The following LAMA1 variants were observed in gnomAD, a reference collection of about 807,000 sequenced individuals.
LAMA1 encodes laminin subunit alpha-1.
In LAMA1, 219 loss-of-function variants were observed where a neutral mutation model predicts 348.7. That is an observed-to-expected ratio of 0.63 (90% confidence interval 0.56 to 0.70). The LOEUF is 0.70. LAMA1 is among the 30% of genes least tolerant of loss of function. The probability of loss-of-function intolerance (pLI) is 0.00; values close to 1 mark genes in which losing one functional copy is unlikely to be tolerated. For missense variants in LAMA1, 3,744 were observed against 3,888.0 expected (o/e 0.96, Z 0.99); for synonymous variants, 1,487 against 1,491.0 (o/e 1.00, Z 0.06).
chr18:6,993,750 GA>G lies in LAMA1; in HGVS notation c.4898del (p.Leu1633ProfsTer5). Reference protein sequence around the residue: ...AEETDNLQKKLTRMLASTQKV... With the variant: ...AEETDNLQKKXTRMLASTQKV... ...TTTGGGTACTCGCTAACATCCTAGT[GA>G]GCTGGTGGAAAAATAAAGTCTCAGG... On this transcript the variant is annotated frameshift_variant and splice_region_variant, in exon 35 of 63. Coordinates refer to ENST00000389658, the MANE Select transcript of LAMA1 (RefSeq NM_005559.4). LOFTEE classifies it high-confidence loss of function. 1 of 1,580,240 alleles carries G rather than the reference GA, an allele frequency of 6.3e-7. No individual in the cohort carries two copies. The highest frequency in any genetic ancestry group is 8.7e-7 in the Non-Finnish European group (1 of 1,149,062).
chr18:7,039,946 A>T, intron 10 of LAMA1, 130 bp downstream of exon 10: 1 of 1,020,934 alleles, frequency 9.8e-7, no homozygotes, highest in Non-Finnish European at 1.5e-6. Flanking sequence ...CTTGGAGAGA[A>T]GGGGCAAGGG....
intron 7 of LAMA1, 147 bp from the exon 8 acceptor site, chr18:7,043,552 T>C (rs184712423): frequency 7.0e-5 from 48 of 683,050 alleles, no homozygotes; most frequent in South Asian, 6.8e-4. Flanking sequence ...GGCAGTATTA[T>C]GGAGGACAAT....
At chr18:6,983,427 C>T (rs1431693094) in intron 39 of LAMA1, among the ~76,000 whole-genome samples, 193 bp from the exon 40 acceptor site, 1 of 152,172 alleles carries the variant, frequency 6.6e-6, no homozygotes, top group Non-Finnish European at 1.5e-5. Context: ...GAAGCCGTAG[C>T]CACTTTGTCA....
At position 7,117,708 on chromosome 18, in the gene LAMA1, C is replaced by G. The variant is rs748782379; in HGVS notation, c.13G>C (p.Val5Leu). 1 of 1,598,120 alleles carries G rather than the reference C, an allele frequency of 6.3e-7. No homozygotes were observed. Among genetic ancestry groups the G allele is most frequent in the Non-Finnish European group, 8.5e-7 (1 of 1,178,332 alleles). MRGG[V>L]LLVLLLCVAA... ...ACACACAGCAGCAAGACCAGGAGCA[C>G]GCCCCCGCGCATCTCGCCTCCGCCG... Residue 5 changes from valine to leucine, a missense_variant, in exon 1 of 63, where the codon GTG (valine) becomes CTG (leucine). This residue lies in a region of LAMA1 where 1,529 missense variants were observed against 1,689.4 expected (regional missense o/e 0.91). Transcript: ENST00000389658.
Position 7,033,113 on chromosome 18 carries a change from G to A in LAMA1, c.2052-18C>T, listed in dbSNP as rs139216533. The A allele has an allele frequency of 6.5e-7, 1 of 1,530,592 alleles. No homozygotes were observed. The highest frequency in any genetic ancestry group is 9.0e-7 in the Non-Finnish European group (1 of 1,112,578). 94.8% of individuals were successfully genotyped at this position (1,530,592 alleles called of 1,614,324 possible). Reference sequence around the variant, plus strand: ...ACTCCAACCTACAAATAGACAGATTGTTATGTGACTCACACGCTCGCAAAT... The same window carrying A: ...ACTCCAACCTACAAATAGACAGATTATTATGTGACTCACACGCTCGCAAAT... On this transcript the variant is annotated intron_variant, in intron 14 of 62. Transcript: ENST00000389658.
intron 15 of LAMA1, 51 bp from the exon 16 acceptor site, chr18:7,032,227 C>G: frequency 8.4e-7 from 1 of 1,190,522 alleles, no homozygotes; most frequent in Non-Finnish European, 1.3e-6. Flanking sequence ...CAAACAGAAA[C>G]TGCTCAGTTG....
rs375396435 is a variant in LAMA1, at chr18:6,972,917, C to T, written c.6774+140G>A. 6.1e-5 allele frequency: 51 copies of T among 839,868 alleles called. No homozygotes were observed. The East Asian group carries it at 6.6e-4, about 11-fold the overall frequency. The allele number at this position is 839,868 out of a possible 1,614,324, so 52.0% of individuals were successfully genotyped here. A position where few individuals can be genotyped will look rare whatever the true frequency, so the allele number is the denominator to read the frequency against. On this transcript the variant is annotated intron_variant, in intron 47 of 62. Transcript: ENST00000389658. The stretch of plus-strand genomic sequence containing the variant: ...TGTTGGTCAGGCTGGTCTTGAACTC[C>T]GGACCTCAGGTGATCTGCCCACCTT...
intron 1 of LAMA1, among the ~76,000 whole-genome samples, chr18:7,107,353 C>T (rs1214582168): frequency 6.6e-6 from 1 of 152,012 alleles, no homozygotes; most frequent in Non-Finnish European, 1.5e-5. Context: ...CTCCTGACCT[C>T]GTGATCCACC....
In LAMA1 at chr18:6,943,553, A is replaced by C; in HGVS notation, c.8845-151T>G. 4 of 727,956 alleles carry C rather than the reference A, an allele frequency of 5.5e-6. No individual in the cohort carries two copies. In the Middle Eastern group the frequency reaches 1.1e-3, roughly 209 times the overall value. 45.1% of individuals were successfully genotyped at this position (727,956 alleles called of 1,614,324 possible). A position where few individuals can be genotyped will look rare whatever the true frequency, so the allele number is the denominator to read the frequency against. On this transcript the variant is annotated intron_variant, in intron 61 of 62. Coordinates refer to ENST00000389658, the MANE Select transcript of LAMA1 (RefSeq NM_005559.4). ...ATAGTTTTGAAAAGTAACCTTTTAA[A>C]GGATTCAGATGATGGCTGGGCATGG...
At chr18:7,036,250 G>GA (rs1314429085) in intron 12 of LAMA1, among the ~76,000 whole-genome samples, 162 bp from the exon 13 acceptor site, 7 of 152,320 alleles carry the variant, frequency 4.6e-5, no homozygotes, top group African/African-American at 1.4e-4. Flanking sequence ...AGTGAAAGGG[G>GA]AGTATATTCA....
intron 3 of LAMA1, among the ~76,000 whole-genome samples, chr18:7,078,845 G>A (rs1377505390): frequency 6.6e-6 from 1 of 152,062 alleles, no homozygotes; most frequent in Admixed American, 6.5e-5. Flanking sequence ...AAATTAACCA[G>A]GCATGGCGAC....
intron 3 of LAMA1, among the ~76,000 whole-genome samples, chr18:7,074,085 G>A (rs889355632): frequency 6.6e-6 from 1 of 151,190 alleles, no homozygotes; most frequent in Admixed American, 6.6e-5. Context: ...TGACCTCCTC[G>A]GCCTCCCAAA....
intron 5 of LAMA1, among the ~76,000 whole-genome samples, chr18:7,048,278 C>T (rs4321272): frequency 0.06 from 9,179 of 152,128 alleles, 684 homozygotes; most frequent in East Asian, 0.19. Context: ...CACAAATTAA[C>T]GTCACAAAAT....
Position 7,049,146 on chromosome 18 carries a change from G to A in LAMA1, c.700C>T (p.Leu234Phe), listed in dbSNP as rs1355107542. 1 of 1,613,892 alleles carries A rather than the reference G, an allele frequency of 6.2e-7. No homozygotes were observed. The highest frequency in any genetic ancestry group is 8.5e-7 in the Non-Finnish European group (1 of 1,179,886). ...CTAAGGGTCATGAGATCTGCATTGA[G>A]CGTTCTAATGCGTTGCAAGCGAAGG... Reference protein sequence around the residue: ...IRLRLQRIRTLNADLMTLSHR... With the variant: ...IRLRLQRIRTFNADLMTLSHR... Residue 234 changes from leucine to phenylalanine, a missense_variant, in exon 5 of 63, where the codon CTC becomes TTC. By Grantham distance (22) the Leu-to-Phe change is conservative (BLOSUM62 0). This residue lies in a region of LAMA1 where 1,529 missense variants were observed against 1,689.4 expected (regional missense o/e 0.91). Transcript: ENST00000389658.
intron 43 of LAMA1, 103 bp downstream of exon 43, chr18:6,978,093 T>C (rs1600366187): frequency 2.7e-6 from 4 of 1,480,624 alleles, no homozygotes; most frequent in East Asian, 2.3e-5. Flanking sequence ...AGCATACTTC[T>C]ACTTTTCAGG....
At position 6,943,046 on chromosome 18, in the gene LAMA1, C is replaced by G. The variant is rs1378078105; in HGVS notation, c.9067+134G>C. The stretch of plus-strand genomic sequence containing the variant: ...AAGAATTCTTAGATATTTGAAATAG[C>G]CTTTCTAAAATGGTAAAGGATTTGT... On this transcript the variant is annotated intron_variant, in intron 62 of 62. Transcript: ENST00000389658. 4.0e-6 allele frequency: 3 copies of G among 752,546 alleles called. No homozygotes were observed. In the Admixed American group the frequency reaches 6.3e-5, roughly 16 times the overall value. 46.6% of individuals were successfully genotyped at this position (752,546 alleles called of 1,614,324 possible).
At chr18:6,947,053 T>G in intron 61 of LAMA1, 110 bp downstream of exon 61, 2 of 1,402,036 alleles carry the variant, frequency 1.4e-6, no homozygotes, top group Admixed American at 1.7e-5. Context: ...AATGGGACCA[T>G]TGTTTGACTC....
rs773257367 is a variant in LAMA1, at chr18:6,956,698, T to C, written c.8032A>G (p.Arg2678Gly). Residue 2678 changes from arginine to glycine, a missense_variant, in exon 56 of 63, where the codon AGG (arginine) becomes GGG (glycine). Arg to Gly is a moderately radical substitution (Grantham distance 125). This residue lies in a region of LAMA1 where 1,983 missense variants were observed against 1,934.3 expected (regional missense o/e 1.03). Transcript: ENST00000389658. ...TCTGCATCGGGAGCCAGCTTAGGCC[T>C]TTCTGACAGCCAGCAGGTGTCCAGG... ...VDLDTCWLSERPKLAPDAEDS... is the reference protein window; with the variant it reads ...VDLDTCWLSEGPKLAPDAEDS... The C allele has an allele frequency of 6.8e-6, 11 of 1,614,094 alleles. No homozygotes were observed. The Admixed American group carries it at 8.3e-5, about 12-fold the overall frequency.
At chr18:6,996,203 A>C (rs1239186534) in intron 33 of LAMA1, among the ~76,000 whole-genome samples, 1 of 152,152 alleles carries the variant, frequency 6.6e-6, no homozygotes, top group Non-Finnish European at 1.5e-5. Flanking sequence ...TATAACATAA[A>C]AACATCTCTT....
Sources: allele counts gnomAD v4.1 joint callset (sites outside exome capture counted in the v4.1 genomes callset), GRCh38; gene constraint gnomAD v4.1.1; regional missense constraint gnomAD v4.1.1; transcripts MANE v1.5; gene names NCBI Gene and HGNC (gene_info 2026-07-23, HGNC 2026-07-21).